ERC2: variants seen among roughly 807,000 people sequenced by gnomAD.
ERC2 encodes ELKS/RAB6-interacting/CAST family member 2.
A neutral mutation model predicts 114.8 loss-of-function variants in ERC2; 42 were observed. The observed-to-expected ratio is 0.37, with a 90% CI of 0.29 to 0.47. ERC2 has a LOEUF of 0.47. Ranked by LOEUF, ERC2 falls within the 20% of genes least tolerant of loss-of-function variation. ERC2 has a pLI of 0.99. For synonymous variants in ERC2, 454 were observed against 425.5 expected (o/e 1.07, Z -0.82); for missense variants, 939 against 1,150.7 (o/e 0.82, Z 2.66).
At chr3:56,160,015 G>A (rs1331653080) in intron 4 of ERC2, among the ~76,000 whole-genome samples, 2 of 152,116 alleles carry the variant, frequency 1.3e-5, no homozygotes, top group Non-Finnish European at 2.9e-5. Flanking sequence ...ATTCCTTTGG[G>A]TAATGGGATT....
intron 17 of ERC2, among the ~76,000 whole-genome samples, chr3:55,592,717 A>C (rs954550677): frequency 6.6e-6 from 1 of 152,206 alleles, no homozygotes; most frequent in Non-Finnish European, 1.5e-5. Context: ...GAGCTCATTT[A>C]TCTAAAAGCC....
At position 56,409,517 on chromosome 3, in the gene ERC2, G is replaced by GAA. The variant is rs558292657; in HGVS notation, c.657+24832_657+24833dup. Among the ~76,000 whole-genome samples the GAA allele has an allele frequency of 2.3e-3, 176 of 77,644 alleles. 2 individuals are homozygous for GAA. In the Middle Eastern group the frequency reaches 0.036, roughly 16 times the overall value. 50.9% of individuals were successfully genotyped at this position (77,644 alleles called of 152,430 possible). ...AATTATACCAAACTAAAGCTAGACA[G>GAA]AAAAAAAAAAAAAAAAAACCTCTGC... On this transcript the variant is annotated intron_variant, in intron 2 of 17. Transcript: ENST00000288221.
intron 2 of ERC2, among the ~76,000 whole-genome samples, chr3:56,343,192 T>TCACA (rs61632315): frequency 4.8e-5 from 6 of 126,130 alleles, no homozygotes; most frequent in Non-Finnish European, 9.9e-5. Context: ...TCTCTCTCTC[T>TCACA]CACACACACA....
At chr3:56,124,693 C>A (rs2079776660) in intron 6 of ERC2, among the ~76,000 whole-genome samples, 1 of 152,144 alleles carries the variant, frequency 6.6e-6, no homozygotes, top group African/African-American at 2.4e-5. Flanking sequence ...GAGTACTGTG[C>A]TAAGGCACAG....
intron 14 of ERC2, among the ~76,000 whole-genome samples, chr3:55,852,316 T>C (rs1326170556): frequency 1.3e-5 from 2 of 152,236 alleles, no homozygotes; most frequent in East Asian, 1.9e-4. Flanking sequence ...ATTTGTTGTA[T>C]TTCACTAATG....
chr3:55,944,055 TGA>T (rs1325126548), intron 13 of ERC2, among the ~76,000 whole-genome samples: 3 of 152,240 alleles, frequency 2.0e-5, no homozygotes, highest in African/African-American at 7.2e-5. Flanking sequence ...AAAAATAGTG[TGA>T]GTTTGCTTAG....
At chr3:55,706,820 C>A (rs1217445064) in intron 15 of ERC2, among the ~76,000 whole-genome samples, 1 of 152,192 alleles carries the variant, frequency 6.6e-6, no homozygotes, top group East Asian at 1.9e-4. Context: ...GACTCCTAGG[C>A]TCTTTTCCAT....
chr3:56,382,606 A>T (rs1344589094), intron 2 of ERC2, among the ~76,000 whole-genome samples: 1 of 152,092 alleles, frequency 6.6e-6, no homozygotes, highest in Non-Finnish European at 1.5e-5. Context: ...TTGTTGAAAC[A>T]CTTTTCTTCA....
At chr3:56,464,388 G>A (rs2063448014) in intron 1 of ERC2, among the ~76,000 whole-genome samples, 1 of 152,170 alleles carries the variant, frequency 6.6e-6, no homozygotes, top group Non-Finnish European at 1.5e-5. Context: ...ACATGTGGAG[G>A]AGACTGGAAC....
Position 55,808,988 on chromosome 3 carries a change from T to G in ERC2, c.2565-74070A>C, listed in dbSNP as rs75113374. On this transcript the variant is annotated intron_variant, in intron 14 of 17. Transcript: ENST00000288221. ...TACTAAGAAAAATGGTATGAACAAG[T>G]AAGATATTTATACCTGGTCTGGTCA... is the stretch of plus-strand genomic sequence containing the variant. Among the ~76,000 whole-genome samples, 255 of 151,784 alleles carry G rather than the reference T, an allele frequency of 1.7e-3. 6 individuals are homozygous for G. The East Asian group carries it at 0.042, about 25-fold the overall frequency.
intron 14 of ERC2, among the ~76,000 whole-genome samples, chr3:55,787,133 C>T (rs879369371): frequency 1.3e-5 from 2 of 152,070 alleles, no homozygotes; most frequent in African/African-American, 2.4e-5. Flanking sequence ...TAGTATGTGT[C>T]GGCTGGGGGG....
At position 56,314,308 on chromosome 3, in the gene ERC2, A is replaced by G. The variant is rs565387260; in HGVS notation, c.658-17873T>C. 3.2e-4 allele frequency among the ~76,000 whole-genome samples: 49 copies of G among 152,320 alleles called. 1 individual carries two copies. In the South Asian group the frequency reaches 0.01, roughly 32 times the overall value. On this transcript the variant is annotated intron_variant, in intron 2 of 17. Transcript: ENST00000288221. The stretch of plus-strand genomic sequence containing the variant: ...GTTTCCATCTCTTTTAAAAGCTGCT[A>G]ATAACACATCTTGCAGAAGCATGAT...
intron 1 of ERC2, among the ~76,000 whole-genome samples, chr3:56,451,199 T>C (rs1397917975): frequency 6.6e-6 from 1 of 152,088 alleles, no homozygotes; most frequent in Non-Finnish European, 1.5e-5. Context: ...TCTGAGAAAA[T>C]GATAGAGAGA....
intron 17 of ERC2, among the ~76,000 whole-genome samples, chr3:55,538,428 G>A (rs989334584): frequency 1.3e-5 from 2 of 152,200 alleles, no homozygotes; most frequent in African/African-American, 4.8e-5. Flanking sequence ...CACATCTCCA[G>A]CCTCAACTCG....
At chr3:55,649,186 C>T (rs1426028243) in intron 17 of ERC2, among the ~76,000 whole-genome samples, 1 of 151,808 alleles carries the variant, frequency 6.6e-6, no homozygotes, top group Non-Finnish European at 1.5e-5. Flanking sequence ...CTCATTAGCA[C>T]ATCAAAAGCT....
chr3:55,509,441 G>A lies in ERC2; in HGVS notation c.*1875C>T, dbSNP rs778766993. ...GTGTCAAAATGTGCTAAATAAGCTT[G>A]CAAAGAACTCTGCTTACTTCTCTAA... On this transcript the variant is annotated 3_prime_UTR_variant, in exon 18 of 18. Transcript: ENST00000288221. 1 of 152,532 alleles carries A rather than the reference G, an allele frequency of 6.6e-6. No individual in the cohort carries two copies. The highest frequency in any genetic ancestry group is 1.5e-5 in the Non-Finnish European group (1 of 68,030). The allele number at this position is 152,532 out of a possible 1,614,324, so 9.4% of individuals were successfully genotyped here.
intron 17 of ERC2, among the ~76,000 whole-genome samples, chr3:55,545,640 A>C (rs897451919): frequency 6.6e-6 from 1 of 152,222 alleles, no homozygotes; most frequent in Non-Finnish European, 1.5e-5. Flanking sequence ...TCTGCCCTCC[A>C]GTCAGGAGTT....
intron 17 of ERC2, among the ~76,000 whole-genome samples, chr3:55,595,270 T>C (rs924914641): frequency 4.4e-4 from 67 of 152,220 alleles, no homozygotes; most frequent in Non-Finnish European, 1.0e-4. Context: ...AAAAAAGACA[T>C]TGATATGACT....
intron 7 of ERC2, among the ~76,000 whole-genome samples, chr3:56,034,208 T>G (rs2074650709): frequency 1.3e-5 from 2 of 151,720 alleles, no homozygotes; most frequent in Non-Finnish European, 2.9e-5. Context: ...ACACTTTAAG[T>G]CAAAAACTGT....
Sources: allele counts gnomAD v4.1 joint callset (sites outside exome capture counted in the v4.1 genomes callset), GRCh38; gene constraint gnomAD v4.1.1; transcripts MANE v1.5; gene names NCBI Gene and HGNC (gene_info 2026-07-23, HGNC 2026-07-21).